Variants in PRICKLE1 observed in about 807,000 individuals in gnomAD.
The protein encoded by PRICKLE1 is prickle-like protein 1.
Under a neutral mutation model 70.2 loss-of-function variants are expected in PRICKLE1, and 14 were observed. The ratio of observed to expected loss-of-function variants is 0.20; its 90% CI spans 0.13 to 0.31. The LOEUF is 0.31. Ranked by LOEUF, PRICKLE1 falls within the 10% of genes least tolerant of loss-of-function variation. PRICKLE1 has a pLI of 1.00. For missense variants in PRICKLE1, 821 were observed against 1,026.2 expected (o/e 0.80, Z 2.73); for synonymous variants, 357 against 379.9 (o/e 0.94, Z 0.70).
At chr12:42,578,747 A>AT (rs751769208) in intron 1 of PRICKLE1, among the ~76,000 whole-genome samples, 7 of 147,612 alleles carry the variant, frequency 4.7e-5, no homozygotes, top group Non-Finnish European at 7.4e-5. Flanking sequence ...ATTTCATTTT[A>AT]TTTATTTATT....
intron 1 of PRICKLE1, among the ~76,000 whole-genome samples, chr12:42,542,541 C>T (rs1180651514): frequency 1.3e-5 from 2 of 152,016 alleles, no homozygotes; most frequent in Admixed American, 6.6e-5. Context: ...ATCCCAGCTA[C>T]TTGGGAGGCT....
intron 1 of PRICKLE1, among the ~76,000 whole-genome samples, chr12:42,502,210 T>A (rs2140183145): frequency 6.8e-6 from 1 of 147,572 alleles, no homozygotes; most frequent in East Asian, 1.9e-4. Flanking sequence ...CACACCTATA[T>A]ATATACACAC....
chr12:42,572,816 A>G (rs931077372), intron 1 of PRICKLE1, among the ~76,000 whole-genome samples: 3 of 152,178 alleles, frequency 2.0e-5, no homozygotes, highest in African/African-American at 7.2e-5. Context: ...CAACAGAGCA[A>G]GACTCTGTCT....
rs1423353659 is a variant in PRICKLE1, at chr12:42,522,960, ATAT to A, written c.-48-50399_-48-50397del. On this transcript the variant is annotated intron_variant, in intron 1 of 7. Coordinates refer to ENST00000345127, the MANE Select transcript of PRICKLE1 (RefSeq NM_153026.3). ...ATGTTAGTTGAAAGGTGATTCTAAC[ATAT>A]TTTTTTTTTTTTTTTTGAGATGGAG... 7.9e-3 allele frequency among the ~76,000 whole-genome samples: 922 copies of A among 116,964 alleles called. 11 individuals carry two copies. The highest frequency in any genetic ancestry group is 0.014 in the Middle Eastern group (3 of 212). The allele number at this position is 116,964 out of a possible 152,430, so 76.7% of individuals were successfully genotyped here.
At chr12:42,552,854 A>G (rs1215099062) in intron 1 of PRICKLE1, among the ~76,000 whole-genome samples, 1 of 152,184 alleles carries the variant, frequency 6.6e-6, no homozygotes, top group Non-Finnish European at 1.5e-5. Context: ...GTGGAGTGGG[A>G]GTGGATGTTT....
At chr12:42,517,135 T>A (rs757096165) in intron 1 of PRICKLE1, among the ~76,000 whole-genome samples, 2 of 152,126 alleles carry the variant, frequency 1.3e-5, no homozygotes, top group Non-Finnish European at 2.9e-5. Context: ...CCTCTTTGAG[T>A]CTCCTAAATT....
intron 1 of PRICKLE1, among the ~76,000 whole-genome samples, chr12:42,532,150 G>C (rs1172430111): frequency 1.3e-5 from 2 of 152,166 alleles, no homozygotes; most frequent in African/African-American, 4.8e-5. Context: ...GGCCCACACA[G>C]CAAGACTCTG....
At chr12:42,525,183 CAG>C (rs1319813351) in intron 1 of PRICKLE1, 3 of 152,170 alleles carry the variant, frequency 2.0e-5, no homozygotes, top group Non-Finnish European at 2.9e-5. Flanking sequence ...GGACTGGGTT[CAG>C]AGAGTTTCCC....
At chr12:42,515,713 T>A (rs1034985608) in intron 1 of PRICKLE1, among the ~76,000 whole-genome samples, 2 of 152,330 alleles carry the variant, frequency 1.3e-5, no homozygotes, top group Non-Finnish European at 2.9e-5. Context: ...ACTTTGAGGG[T>A]TCTGCTCTGC....
chr12:42,489,010 G>T (rs1381820507), intron 1 of PRICKLE1, among the ~76,000 whole-genome samples: 1 of 145,736 alleles, frequency 6.9e-6, no homozygotes, highest in African/African-American at 2.6e-5. Context: ...CACAACCTCC[G>T]CCTCCCAGGT....
intron 1 of PRICKLE1, among the ~76,000 whole-genome samples, chr12:42,514,676 A>AT (rs1273757162): frequency 3.3e-5 from 5 of 152,008 alleles, no homozygotes; most frequent in Admixed American, 3.3e-4. Context: ...GACCTATTCC[A>AT]TTTTTTCTTT....
chr12:42,558,773 G>C (rs894894277), intron 1 of PRICKLE1, among the ~76,000 whole-genome samples: 1 of 152,186 alleles, frequency 6.6e-6, no homozygotes, highest in African/African-American at 2.4e-5. Flanking sequence ...GAGCTGAAAA[G>C]CATGGTTGAT....
intron 1 of PRICKLE1, among the ~76,000 whole-genome samples, chr12:42,585,596 G>A (rs1940974100): frequency 6.6e-6 from 1 of 152,058 alleles, no homozygotes; most frequent in Admixed American, 6.6e-5. Context: ...TCATATCTCT[G>A]TGCCAGAAGT....
chr12:42,475,412 G>C (rs956222276), intron 1 of PRICKLE1, among the ~76,000 whole-genome samples: 1 of 152,186 alleles, frequency 6.6e-6, no homozygotes, highest in African/African-American at 2.4e-5. Flanking sequence ...CTGGGCCTCA[G>C]AGCAATGTCC....
chr12:42,565,512 G>A lies in PRICKLE1; in HGVS notation c.-49+23953C>T, dbSNP rs115912979. Among the ~76,000 whole-genome samples the A allele has an allele frequency of 2.5e-3, 384 of 152,260 alleles. 1 individual carries two copies. The highest frequency in any genetic ancestry group is 9.0e-3 in the African/African-American group (376 of 41,552). ...TGATGAACTAGCACTAAATAAAGCA[G>A]CATGAAATCAACAATGGGATCCTTA... is the stretch of plus-strand genomic sequence containing the variant. On this transcript the variant is annotated intron_variant, in intron 1 of 7. Transcript: ENST00000345127.
At chr12:42,525,268 GCCC>G (rs1939781700) in intron 1 of PRICKLE1, among the ~76,000 whole-genome samples, 1 of 152,176 alleles carries the variant, frequency 6.6e-6, no homozygotes, top group Admixed American at 6.5e-5. Context: ...CAGGTGCCTT[GCCC>G]TGTGCATCTC....
intron 1 of PRICKLE1, among the ~76,000 whole-genome samples, chr12:42,534,096 A>T (rs1351903336): frequency 6.6e-6 from 1 of 152,222 alleles, no homozygotes; most frequent in African/African-American, 2.4e-5. Flanking sequence ...GCTTACGGTC[A>T]GTAATAGAAG....
chr12:42,460,852 T>C, intron 7 of PRICKLE1, 187 bp from the exon 8 acceptor site: 1 of 687,656 alleles, frequency 1.5e-6, no homozygotes, highest in Non-Finnish European at 2.5e-6. Context: ...GTTATTGTTA[T>C]AAGGGGTGGG....
chr12:42,459,524 T>C lies in PRICKLE1; in HGVS notation c.*285A>G. 1.6e-6 allele frequency: 1 copy of C among 626,752 alleles called. No individual in the cohort carries two copies. The allele number at this position is 626,752 out of a possible 1,614,324, so 38.8% of individuals were successfully genotyped here. A position where few individuals can be genotyped will look rare whatever the true frequency, so the allele number is the denominator to read the frequency against. On this transcript the variant is annotated 3_prime_UTR_variant, in exon 8 of 8. Coordinates refer to ENST00000345127, the MANE Select transcript of PRICKLE1 (RefSeq NM_153026.3). ...TCCCCTTCAGTCAGCATCTTCAGTATTCCCTTGAGGACTGGAAAACCAAAG... is the reference window on the plus strand; with the variant it reads ...TCCCCTTCAGTCAGCATCTTCAGTACTCCCTTGAGGACTGGAAAACCAAAG...
Sources: allele counts gnomAD v4.1 joint callset (sites outside exome capture counted in the v4.1 genomes callset), GRCh38; gene constraint gnomAD v4.1.1; transcripts MANE v1.5; gene names NCBI Gene and HGNC (gene_info 2026-07-23, HGNC 2026-07-21).